SLC6A7: variants seen among roughly 807,000 people sequenced by gnomAD.
The protein encoded by SLC6A7 is sodium-dependent proline transporter.
A neutral mutation model predicts 73.1 loss-of-function variants in SLC6A7; 58 were observed. The observed-to-expected ratio is 0.79, with a 90% CI of 0.64 to 0.99. The LOEUF (loss-of-function observed/expected upper bound fraction) is 0.99, where lower values mean the gene tolerates loss of function less well. Ranked by LOEUF, SLC6A7 falls within the 50% of genes least tolerant of loss-of-function variation. SLC6A7 has a pLI of 0.00. For missense variants in SLC6A7, 783 were observed against 831.4 expected, an observed-to-expected ratio of 0.94 and a Z score of 0.72; for synonymous variants, 338 against 338.7, an observed-to-expected ratio of 1.00 and a Z score of 0.02.
At position 150,194,930 on chromosome 5, in the gene SLC6A7, G is replaced by A. The variant is rs375067833; in HGVS notation, c.217+19G>A. ...GGAGGAGGTATGGGCCTGAGGTCCT[G>A]TCGGAGGGTGTCTGGGGTGATGGGC... On this transcript the variant is annotated intron_variant, in intron 2 of 13. Transcript: ENST00000230671. The A allele has an allele frequency of 1.2e-6, 2 of 1,606,494 alleles. No homozygotes were observed. Among genetic ancestry groups the A allele is most frequent in the Non-Finnish European group, 1.7e-6 (2 of 1,174,268 alleles).
At chr5:150,195,546 A>G (rs1752978422) in intron 2 of SLC6A7, among the ~76,000 whole-genome samples, 1 of 152,198 alleles carries the variant, frequency 6.6e-6, no homozygotes, top group Admixed American at 6.5e-5. Context: ...CCTATTGGGT[A>G]GGCACCATGG....
chr5:150,196,992 G>T (rs374370514), intron 3 of SLC6A7, 50 bp from the exon 4 acceptor site: 373 of 1,571,302 alleles, frequency 2.4e-4, no homozygotes, highest in Non-Finnish European at 3.2e-4. Context: ...ACTCCACCCG[G>T]CTGGCAGAGA....
rs1381734654 is a variant in SLC6A7, at chr5:150,210,204, CT to C, written c.*590del. On this transcript the variant is annotated 3_prime_UTR_variant, in exon 14 of 14. Coordinates refer to ENST00000230671, the MANE Select transcript of SLC6A7 (RefSeq NM_014228.5). ...GCAGGACTCCTGAAGGAGGTGGGAG[CT>C]GAGGGCCCTGGAGGATGGGGAAGGT... The C allele has an allele frequency of 6.3e-6, 1 of 158,074 alleles. No individual in the cohort carries two copies. The allele number at this position is 158,074 out of a possible 1,614,324, so 9.8% of individuals were successfully genotyped here.
At chr5:150,191,220 C>T (rs1752767288) in intron 1 of SLC6A7, among the ~76,000 whole-genome samples, 1 of 152,162 alleles carries the variant, frequency 6.6e-6, no homozygotes. Context: ...CTGGAGGCAC[C>T]AAAACAGGCC....
chr5:150,203,811 TGTGTGTGTG>T (rs1443974121), intron 9 of SLC6A7, 32 bp downstream of exon 9: 3 of 1,429,192 alleles, frequency 2.1e-6, no homozygotes, highest in Non-Finnish European at 2.9e-6. Context: ...AGGCACCCCG[TGTGTGTGTG>T]GTGTGTGTGT....
intron 4 of SLC6A7, among the ~76,000 whole-genome samples, chr5:150,198,115 G>GAGAAAGAAAGAAAGAAAGAGAA (rs1753163883): frequency 1.3e-5 from 1 of 77,534 alleles, no homozygotes; most frequent in Non-Finnish European, 3.1e-5. Context: ...AAGAAAGAAA[G>GAGAAAGAAAGAAAGAAAGAGAA]AGAAAGAAAG....
rs879470339 is a variant in SLC6A7 at position 150,198,095 on chromosome 5, GAAA to G, written c.584+820_584+822del. ...AGAAAGAAAGAAAGAAAGAAAGAAA[GAAA>G]GAAAGAAAGAAAGAAAGAGAAAGAA... On this transcript the variant is annotated intron_variant, in intron 4 of 13. Transcript: ENST00000230671. Among the ~76,000 whole-genome samples the G allele has an allele frequency of 2.0e-3, 217 of 106,650 alleles. 3 individuals are homozygous for G. Among genetic ancestry groups the G allele is most frequent in the African/African-American group, 5.1e-3 (147 of 28,736 alleles). The allele number at this position is 106,650 out of a possible 152,430, so 70.0% of individuals were successfully genotyped here.
At chr5:150,190,626 C>G (rs1423729826) in intron 1 of SLC6A7, among the ~76,000 whole-genome samples, 2 of 152,174 alleles carry the variant, frequency 1.3e-5, no homozygotes, top group African/African-American at 2.4e-5. Flanking sequence ...CTGCAGTCCC[C>G]GGAGGCGCGG....
In SLC6A7 at chr5:150,210,318, G is replaced by C. The variant is rs1388029498; in HGVS notation, c.*703G>C. 6.5e-6 allele frequency: 1 copy of C among 153,816 alleles called. No individual in the cohort carries two copies. Among genetic ancestry groups the C allele is most frequent in the African/African-American group, 2.4e-5 (1 of 41,422 alleles). 9.5% of individuals were successfully genotyped at this position (153,816 alleles called of 1,614,324 possible). On this transcript the variant is annotated 3_prime_UTR_variant, in exon 14 of 14. Coordinates refer to ENST00000230671, the MANE Select transcript of SLC6A7 (RefSeq NM_014228.5). ...GCCTGGGCAGAGACCAAGAGGGTTG[G>C]AGACACTAGTTTTACCAGGTTACAG...
In SLC6A7 at chr5:150,200,547, T is replaced by A. The variant is rs574258848; in HGVS notation, c.724-542T>A. Reference sequence around the variant, plus strand: ...CCTTCAAGATGGCTTGCCCAATCATTGGTAAATCAGAACTTGTTTCCTCTG... The same window carrying A: ...CCTTCAAGATGGCTTGCCCAATCATAGGTAAATCAGAACTTGTTTCCTCTG... On this transcript the variant is annotated intron_variant, in intron 5 of 13. Transcript: ENST00000230671. Among the ~76,000 whole-genome samples the A allele has an allele frequency of 7.2e-5, 11 of 152,338 alleles. No homozygotes were observed. In the East Asian group the frequency reaches 2.1e-3, roughly 29 times the overall value.
At position 150,202,374 on chromosome 5, in the gene SLC6A7, T is replaced by C. The variant is rs762875342; in HGVS notation, c.886T>C (p.Phe296Leu). 23 of 1,614,154 alleles carry C rather than the reference T, an allele frequency of 1.4e-5. No individual in the cohort carries two copies. The highest frequency in any genetic ancestry group is 1.7e-5 in the Non-Finnish European group (20 of 1,179,948). Residue 296 changes from phenylalanine to leucine, a missense_variant, in exon 7 of 14, where the codon TTC (phenylalanine) becomes CTC (leucine). Transcript: ENST00000230671. The part of the protein sequence containing the change: ...KVWIEAALQI[F>L]YSLGVGFGGL... Reference sequence around the variant, plus strand: ...GTGGATTGAAGCTGCTCTTCAGATCTTCTATTCCCTGGGTGTGGGCTTCGG... The same window carrying C: ...GTGGATTGAAGCTGCTCTTCAGATCCTCTATTCCCTGGGTGTGGGCTTCGG...
Position 150,194,880 on chromosome 5 carries a change from C to A in SLC6A7, c.186C>A (p.Arg62=). The change falls in exon 2 of 14, where the codon CGC becomes CGA. Residue 62 remains arginine, a synonymous_variant. Coordinates refer to ENST00000230671, the MANE Select transcript of SLC6A7 (RefSeq NM_014228.5). ...GTGTAGGCCTGGGGAATGTCTGGCG[C>A]TTCCCCTATCGAGCGTACACCAATG... The part of the protein sequence containing the change: ...GYCVGLGNVW[R]FPYRAYTNGG... 1 of 1,614,148 alleles carries A rather than the reference C, an allele frequency of 6.2e-7. No individual in the cohort carries two copies. Among genetic ancestry groups the A allele is most frequent in the South Asian group, 1.1e-5 (1 of 91,082 alleles).
At chr5:150,198,811 GGTGTGTGTGT>G (rs774414750) in intron 4 of SLC6A7, among the ~76,000 whole-genome samples, 354 of 112,096 alleles carry the variant, frequency 3.2e-3, no homozygotes, top group African/African-American at 8.6e-3. Flanking sequence ...GGCCCTGGAT[GGTGTGTGTGT>G]GTGTGTGTGT....
intron 5 of SLC6A7, 70 bp from the exon 6 acceptor site, chr5:150,201,019 A>G (rs1753349793): frequency 1.3e-6 from 2 of 1,552,444 alleles, no homozygotes; most frequent in Admixed American, 1.7e-5. Flanking sequence ...AGTGACACAG[A>G]TGAGTTTACA....
At chr5:150,201,340 TTTTA>T (rs944556188) in intron 6 of SLC6A7, 117 bp downstream of exon 6, 4 of 543,326 alleles carry the variant, frequency 7.4e-6, no homozygotes, top group Non-Finnish European at 1.2e-5. Flanking sequence ...CTTGCGTCTT[TTTTA>T]TTTATTATTA....
At position 150,208,629 on chromosome 5, in the gene SLC6A7, C is replaced by T. The variant is rs534928889; in HGVS notation, c.1702-777C>T. Among the ~76,000 whole-genome samples the T allele has an allele frequency of 4.1e-4, 63 of 152,330 alleles. 2 individuals are homozygous for T. The highest frequency in any genetic ancestry group is 1.5e-3 in the African/African-American group (62 of 41,568). Reference sequence around the variant, plus strand: ...AGCTGTGGGAGACCCCGGCTAAAGGCATCACACATGGTATCTCCCTCGGAA... The same window carrying T: ...AGCTGTGGGAGACCCCGGCTAAAGGTATCACACATGGTATCTCCCTCGGAA... On this transcript the variant is annotated intron_variant, in intron 13 of 13. Transcript: ENST00000230671.
At chr5:150,195,004 C>T in intron 2 of SLC6A7, 93 bp downstream of exon 2, 1 of 1,091,954 alleles carries the variant, frequency 9.2e-7, no homozygotes, top group Admixed American at 2.0e-5. Context: ...GCCACTGTCT[C>T]CTAGGCGACC....
At chr5:150,199,994 T>C (rs1465783116) in intron 5 of SLC6A7, among the ~76,000 whole-genome samples, 1 of 152,196 alleles carries the variant, frequency 6.6e-6, no homozygotes, top group Admixed American at 6.5e-5. Context: ...CATCCCTAAA[T>C]TAATCCCTGT....
At chr5:150,204,223 G>A (rs950332763) in intron 10 of SLC6A7, among the ~76,000 whole-genome samples, 185 bp downstream of exon 10, 1 of 152,228 alleles carries the variant, frequency 6.6e-6, no homozygotes, top group Non-Finnish European at 1.5e-5. Flanking sequence ...AGTCCTGGCT[G>A]TGGAGATTTA....
Sources: allele counts gnomAD v4.1 joint callset (sites outside exome capture counted in the v4.1 genomes callset), GRCh38; gene constraint gnomAD v4.1.1; transcripts MANE v1.5; gene names NCBI Gene and HGNC (gene_info 2026-07-23, HGNC 2026-07-21).